The following THSD7A variants were observed in gnomAD, a reference collection of about 807,000 sequenced individuals.
THSD7A encodes thrombospondin type-1 domain-containing protein 7A.
Under a neutral mutation model 231.3 loss-of-function variants are expected in THSD7A, and 96 were observed. The observed-to-expected ratio is 0.41, with a 90% confidence interval of 0.35 to 0.49. The LOEUF (loss-of-function observed/expected upper bound fraction) is 0.49. THSD7A is among the 20% of genes least tolerant of loss of function. The pLI, the probability that THSD7A is intolerant of heterozygous loss-of-function variation, is 0.05. For missense variants in THSD7A, 2,290 were observed against 2,070.2 expected (o/e 1.11, Z -2.06); for synonymous variants, 940 against 743.3 (o/e 1.26, Z -4.30).
chr7:11,427,831 G>A (rs981253075), intron 14 of THSD7A, among the ~76,000 whole-genome samples: 6 of 152,082 alleles, frequency 3.9e-5, no homozygotes, highest in Non-Finnish European at 8.8e-5. Flanking sequence ...AATGCAAAAT[G>A]CTCTGTGACA....
intron 4 of THSD7A, among the ~76,000 whole-genome samples, chr7:11,572,864 G>C (rs901665254): frequency 6.6e-6 from 1 of 151,948 alleles, no homozygotes; most frequent in African/African-American, 2.4e-5. Context: ...TCAATAATGG[G>C]TCTTTTTCTT....
chr7:11,722,072 C>T (rs893313737), intron 1 of THSD7A, among the ~76,000 whole-genome samples: 1 of 151,902 alleles, frequency 6.6e-6, no homozygotes, highest in African/African-American at 2.4e-5. Flanking sequence ...AACAAGAGGA[C>T]TCTAGCATGG....
intron 1 of THSD7A, among the ~76,000 whole-genome samples, chr7:11,790,455 TG>T (rs1783918344): frequency 6.6e-6 from 1 of 152,010 alleles, no homozygotes; most frequent in African/African-American, 2.4e-5. Context: ...TTTTATATGT[TG>T]GTTCATTAAA....
At chr7:11,456,040 G>T (rs1440008625) in intron 11 of THSD7A, among the ~76,000 whole-genome samples, 1 of 151,986 alleles carries the variant, frequency 6.6e-6, no homozygotes, top group East Asian at 1.9e-4. Flanking sequence ...GTGATAAGAA[G>T]GAATTTGTGT....
intron 2 of THSD7A, among the ~76,000 whole-genome samples, chr7:11,601,902 C>T (rs1335678650): frequency 6.6e-6 from 1 of 152,190 alleles, no homozygotes; most frequent in African/African-American, 2.4e-5. Flanking sequence ...AAAGTTCACA[C>T]AGAGTAAGCA....
intron 1 of THSD7A, among the ~76,000 whole-genome samples, chr7:11,700,561 C>G (rs1164183421): frequency 6.6e-6 from 1 of 151,166 alleles, no homozygotes; most frequent in Non-Finnish European, 1.5e-5. Context: ...GTAAAATCTT[C>G]ATTGAAAATT....
chr7:11,750,828 G>A (rs565140398), intron 1 of THSD7A, among the ~76,000 whole-genome samples: 25 of 152,090 alleles, frequency 1.6e-4, no homozygotes, highest in African/African-American at 6.0e-4. Context: ...TACTCCTGAG[G>A]AATGACAGTA....
chr7:11,637,589 C>T lies in THSD7A; in HGVS notation c.191-628G>A, dbSNP rs116508998. On this transcript the variant is annotated intron_variant, in intron 1 of 27. Transcript: ENST00000423059. The surrounding 1 kb of genome is among the most constrained non-coding windows in gnomAD (Gnocchi z 4.2). Reference sequence around the variant, plus strand: ...TCTGCCTTTAAATTTACCAAATTTCCCCCCCATTTCCCAAGTGAAGTATAG... The same window carrying T: ...TCTGCCTTTAAATTTACCAAATTTCTCCCCCATTTCCCAAGTGAAGTATAG... Among the ~76,000 whole-genome samples the T allele has an allele frequency of 6.6e-6, 1 of 151,774 alleles. No individual in the cohort carries two copies. Among genetic ancestry groups the T allele is most frequent in the Admixed American group, 6.6e-5 (1 of 15,240 alleles).
intron 11 of THSD7A, among the ~76,000 whole-genome samples, chr7:11,448,299 T>C (rs541428554): frequency 2.0e-5 from 3 of 152,244 alleles, no homozygotes; most frequent in Non-Finnish European, 4.4e-5. Flanking sequence ...TAACAAGTCT[T>C]AAAGAAAAAG....
chr7:11,470,195 T>C (rs183470254), intron 8 of THSD7A, among the ~76,000 whole-genome samples: 130 of 152,232 alleles, frequency 8.5e-4, no homozygotes, highest in Non-Finnish European at 9.1e-4. Flanking sequence ...CAATAAAGCC[T>C]CTCAAGGAAA....
intron 4 of THSD7A, among the ~76,000 whole-genome samples, chr7:11,569,960 C>A (rs781374777): frequency 5.3e-5 from 8 of 152,010 alleles, no homozygotes; most frequent in Non-Finnish European, 1.0e-4. Context: ...TCACTTGAGC[C>A]TAGGAGTTGG....
chr7:11,651,490 T>TCTATCAA (rs1239622543), intron 1 of THSD7A, among the ~76,000 whole-genome samples: 6 of 39,228 alleles, frequency 1.5e-4, no homozygotes, highest in African/African-American at 3.1e-4. Flanking sequence ...CTATCAACTA[T>TCTATCAA]CTATCTATCT....
intron 2 of THSD7A, among the ~76,000 whole-genome samples, chr7:11,601,290 T>A (rs913244307): frequency 6.6e-6 from 1 of 152,206 alleles, no homozygotes; most frequent in African/African-American, 2.4e-5. Flanking sequence ...GACTATTGGT[T>A]GACTGCCTCT....
chr7:11,794,468 A>T (rs1784057663), intron 1 of THSD7A, among the ~76,000 whole-genome samples: 1 of 151,834 alleles, frequency 6.6e-6, no homozygotes, highest in Admixed American at 6.6e-5. Flanking sequence ...CAAATGAAAA[A>T]TCTCTTCTTT....
chr7:11,786,010 T>A (rs1253349523), intron 1 of THSD7A, among the ~76,000 whole-genome samples: 1 of 152,138 alleles, frequency 6.6e-6, no homozygotes, highest in African/African-American at 2.4e-5. Context: ...CGTTATGGAA[T>A]ATCTCTGCAT....
rs368765728 is a variant in THSD7A at position 11,550,327 on chromosome 7, A to G, written c.1454-7210T>C. On this transcript the variant is annotated intron_variant, in intron 4 of 27. Transcript: ENST00000423059. ...GAGAGTTACAAAACACTGCTCAAAG[A>G]AACCAGAAGTGACACAAATAAATGG... is the stretch of plus-strand genomic sequence containing the variant. Among the ~76,000 whole-genome samples, 13 of 152,288 alleles carry G rather than the reference A, an allele frequency of 8.5e-5. No individual in the cohort carries two copies. In the East Asian group the frequency reaches 2.3e-3, roughly 27 times the overall value.
chr7:11,615,565 A>G (rs1288827529), intron 2 of THSD7A, among the ~76,000 whole-genome samples: 1 of 152,120 alleles, frequency 6.6e-6, no homozygotes, highest in African/African-American at 2.4e-5. Flanking sequence ...TAATGAATTC[A>G]CCTATGTCTA....
intron 4 of THSD7A, among the ~76,000 whole-genome samples, chr7:11,573,913 T>C (rs749317990): frequency 2.0e-5 from 3 of 152,240 alleles, no homozygotes; most frequent in Non-Finnish European, 2.9e-5. Context: ...TTAGGAAATT[T>C]ATATGAACAC....
At chr7:11,379,942 A>T (rs1361143948) in intron 24 of THSD7A, among the ~76,000 whole-genome samples, 1 of 152,156 alleles carries the variant, frequency 6.6e-6, no homozygotes, top group African/African-American at 2.4e-5. Context: ...GCAGGTATTC[A>T]ACAAGCATTT....
Sources: allele counts gnomAD v4.1 joint callset (sites outside exome capture counted in the v4.1 genomes callset), GRCh38; gene constraint gnomAD v4.1.1; non-coding constraint Gnocchi (gnomAD v3.1); transcripts MANE v1.5; gene names NCBI Gene and HGNC (gene_info 2026-07-23, HGNC 2026-07-21).